Variants in LHB observed in about 807,000 individuals in gnomAD.
LHB encodes the protein lutropin subunit beta.
LHB carries 11 observed loss-of-function variants against 10.6 expected under a neutral mutation model. That is an observed-to-expected ratio of 1.04 (90% CI 0.66 to 1.72). The LOEUF is 1.72. Among genes scored for constraint, LHB ranks in the 40% most tolerant of loss-of-function variants. The pLI is 0.00. For missense variants in LHB, 184 were observed against 197.3 expected, an observed-to-expected ratio of 0.93 and a Z score of 0.41; for synonymous variants, 86 against 83.1, an observed-to-expected ratio of 1.03 and a Z score of -0.19.
chr19:49,019,180 T>C (rs1391976240), upstream of LHB: 4 of 1,409,636 alleles, frequency 2.8e-6, no homozygotes, highest in African/African-American at 4.4e-5. Context: ...AACTTCAGCT[T>C]CCTTTCTCAT....
At chr19:49,017,506 G>T (rs1018901944), upstream of LHB, 4 of 1,133,534 alleles carry the variant, frequency 3.5e-6, no homozygotes, top group Non-Finnish European at 4.4e-6. Flanking sequence ...TAACAGGAGG[G>T]GCGCTGCTTC....
chr19:49,017,821 G>A, upstream of LHB: 1 of 399,602 alleles, frequency 2.5e-6, no homozygotes, highest in Non-Finnish European at 4.4e-6. Flanking sequence ...GTGGGTGTCT[G>A]GGCTAGTCCC....
chr19:49,017,350 C>T (rs915229909), upstream of LHB: 11 of 1,051,340 alleles, frequency 1.0e-5, no homozygotes, highest in Admixed American at 3.0e-5. Context: ...CTAGTCGAGC[C>T]TGGAGGCACA....
upstream of LHB, chr19:49,017,719 A>G (rs1380150053): frequency 4.2e-6 from 2 of 476,494 alleles, no homozygotes; most frequent in East Asian, 7.2e-5. Flanking sequence ...TCATTATTTA[A>G]TACGCCCGCA....
At chr19:49,019,141 T>G (rs377072764), upstream of LHB, 3 of 1,415,720 alleles carry the variant, frequency 2.1e-6, no homozygotes, top group Admixed American at 2.9e-5. Context: ...GCCCCAGGGT[T>G]AGAGCCCTTC....
At chr19:49,016,435 C>A (rs1019209995) in intron 2 of LHB, 112 bp downstream of exon 2, 11 of 1,600,756 alleles carry the variant, frequency 6.9e-6, no homozygotes, top group Middle Eastern at 2.2e-4. Context: ...TGCCTTCCCA[C>A]ACCCCATTCC....
In LHB at chr19:49,016,215, C is replaced by G. The variant is rs377599735; in HGVS notation, c.279G>C (p.Pro93=). The G allele has an allele frequency of 3.2e-5, 51 of 1,612,368 alleles. No individual in the cohort carries two copies. The highest frequency in any genetic ancestry group is 4.1e-5 in the Non-Finnish European group (48 of 1,179,930). The change falls in exon 3 of 3, where the codon CCG becomes CCC. Residue 93 remains proline (P), a synonymous_variant. Coordinates refer to ENST00000649238, the MANE Select transcript of LHB (RefSeq NM_000894.3). ...RFESIRLPGC[P]RGVDPVVSFP... ...AGGAGACCACGGGGTCCACACCACG[C>G]GGGCAGCCAGGGAGCCGGATGGACT...
upstream of LHB, chr19:49,017,200 G>T: frequency 6.6e-7 from 1 of 1,526,124 alleles, no homozygotes; most frequent in Non-Finnish European, 9.1e-7. Context: ...CCCCGGGGGC[G>T]AGAGGTGCAC....
chr19:49,019,337 T>C, upstream of LHB: 1 of 1,184,008 alleles, frequency 8.4e-7, no homozygotes, highest in South Asian at 3.6e-5. Flanking sequence ...GGAGCTGAGC[T>C]GCATCTTGGG....
chr19:49,018,498 G>A (rs1208064478), upstream of LHB, among the ~76,000 whole-genome samples: 3 of 152,098 alleles, frequency 2.0e-5, no homozygotes, highest in Non-Finnish European at 1.5e-5. Context: ...TGCGTTCCTG[G>A]GTCCTCGAGG....
chr19:49,016,723 A>G lies in LHB; in HGVS notation c.16-9T>C, dbSNP rs2039560822. 17 of 1,610,486 alleles carry G rather than the reference A, an allele frequency of 1.1e-5. No homozygotes were observed. The highest frequency in any genetic ancestry group is 1.3e-5 in the Non-Finnish European group (15 of 1,179,724). On this transcript the variant is annotated splice_polypyrimidine_tract_variant and intron_variant, in intron 1 of 2. Transcript: ENST00000649238. The stretch of plus-strand genomic sequence containing the variant: ...AGCAACAGCAGCAGCCCCTGGGACA[A>G]GGACACTGCTTCACCCAGGTCTGAG...
upstream of LHB, chr19:49,017,906 C>G (rs1387736799): frequency 5.0e-6 from 2 of 398,218 alleles, no homozygotes; most frequent in African/African-American, 4.1e-5. Context: ...AGCGGAGGTC[C>G]CGAGCTCCGC....
At chr19:49,019,246 G>C, upstream of LHB, 1 of 1,331,588 alleles carries the variant, frequency 7.5e-7, no homozygotes. Context: ...TGCTGTTCAA[G>C]GAACTCAAAC....
At chr19:49,018,301 G>C, upstream of LHB, 1 of 1,197,642 alleles carries the variant, frequency 8.3e-7, no homozygotes, top group Non-Finnish European at 1.0e-6. Context: ...AGCTCCAGTA[G>C]GTCAGGGAGT....
upstream of LHB, chr19:49,018,928 C>G (rs1055243886): frequency 6.5e-7 from 1 of 1,534,442 alleles, no homozygotes; most frequent in African/African-American, 1.4e-5. Flanking sequence ...TGGCGGCGGT[C>G]CAGGACGCCC....
In LHB at chr19:49,016,247, G is replaced by C. The variant is rs776040203; in HGVS notation, c.247C>G (p.Arg83Gly). 2.5e-6 allele frequency: 4 copies of C among 1,612,398 alleles called. No individual in the cohort carries two copies. The South Asian group carries it at 3.3e-5, about 13-fold the overall frequency. ...PQVVCTYRDV[R>G]FESIRLPGCP... ...CCAGGGAGCCGGATGGACTCGAAGC[G>C]CACATCACGGTAGGTGCACACCACC... Residue 83 changes from arginine to glycine, a missense_variant, in exon 3 of 3, where the codon CGC (arginine) becomes GGC (glycine). By Grantham distance (125) the Arg-to-Gly change is moderately radical (BLOSUM62 -2). Transcript: ENST00000649238.
chr19:49,018,916 G>A (rs770763818), upstream of LHB: 363 of 1,534,390 alleles, frequency 2.4e-4, no homozygotes, highest in Admixed American at 5.1e-4. Context: ...GTCAGATAGA[G>A]CTGGCGGCGG....
intron 1 of LHB, 103 bp downstream of exon 1, chr19:49,016,964 C>G: frequency 1.2e-6 from 2 of 1,610,610 alleles, no homozygotes; most frequent in Non-Finnish European, 1.7e-6. Flanking sequence ...TCATGCCCCT[C>G]CAGAAAGAGG....
In LHB at chr19:49,016,239, C is replaced by A. The variant is rs768418646; in HGVS notation, c.255G>T (p.Glu85Asp). The A allele has an allele frequency of 4.3e-6, 7 of 1,612,356 alleles. No individual in the cohort carries two copies. The highest frequency in any genetic ancestry group is 5.9e-6 in the Non-Finnish European group (7 of 1,179,904). Residue 85 changes from glutamate (E) to aspartate (D), a missense_variant, in exon 3 of 3, where the codon GAG becomes GAT. By Grantham distance (45) the Glu-to-Asp change is conservative. Coordinates refer to ENST00000649238, the MANE Select transcript of LHB (RefSeq NM_000894.3). ...GCGGGCAGCCAGGGAGCCGGATGGACTCGAAGCGCACATCACGGTAGGTGC... is the reference window on the plus strand; with the variant it reads ...GCGGGCAGCCAGGGAGCCGGATGGAATCGAAGCGCACATCACGGTAGGTGC... ...VVCTYRDVRFESIRLPGCPRG... is the reference protein window; with the variant it reads ...VVCTYRDVRFDSIRLPGCPRG...
Sources: gnomAD v4.1 joint callset for allele counts (sites outside exome capture counted in the v4.1 genomes callset) on GRCh38, gnomAD v4.1.1 for gene constraint, MANE v1.5 for transcripts, NCBI Gene and HGNC (gene_info 2026-07-23, HGNC 2026-07-21) for gene names.